RDX: variants seen among roughly 807,000 people sequenced by gnomAD.
The protein encoded by RDX is radixin.
Under a neutral mutation model 83.7 loss-of-function variants are expected in RDX, and 32 were observed. The ratio of observed to expected loss-of-function variants is 0.38; its 90% CI spans 0.29 to 0.51. The LOEUF is 0.51. RDX is among the 20% of genes least tolerant of loss of function. The pLI, the probability that RDX is intolerant of heterozygous loss-of-function variation, is 0.87. For missense variants in RDX, 600 were observed against 689.9 expected (o/e 0.87, Z 1.46); for synonymous variants, 229 against 222.7 (o/e 1.03, Z -0.25).
rs76161629 is a variant in RDX, at chr11:110,233,904, G to A, written c.1345-425C>T. ...CGAATAACGGAGGAATGAGACTGTCGTTACTCAAATCCAATGATCACTAAA... is the reference window on the plus strand; with the variant it reads ...CGAATAACGGAGGAATGAGACTGTCATTACTCAAATCCAATGATCACTAAA... On this transcript the variant is annotated intron_variant, in intron 12 of 13. Transcript: ENST00000645495. Among the ~76,000 whole-genome samples, 926 of 152,206 alleles carry A rather than the reference G, an allele frequency of 6.1e-3. 4 individuals carry two copies. Among genetic ancestry groups the A allele is most frequent in the African/African-American group, 0.02 (826 of 41,530 alleles).
At chr11:110,212,568 T>C (rs1299303170) in intron 14 of RDX, among the ~76,000 whole-genome samples, 10 of 67,960 alleles carry the variant, frequency 1.5e-4, no homozygotes, top group Non-Finnish European at 1.7e-4. Flanking sequence ...TTGATGAACA[T>C]TGATGCAAAA....
Position 110,257,890 on chromosome 11 carries a change from A to G in RDX, c.575T>C (p.Leu192Pro). ...CATTTCTAGATCTTGTGCAATCTTC[A>G]GGTATTCCATCATAGAATCCTCCCT... ...MLREDSMMEY[L>P]KIAQDLEMYG... The change falls in exon 7 of 14, where the codon CTG becomes CCG. Residue 192 changes from leucine (L) to proline (P), a missense_variant. Coordinates refer to ENST00000645495, the MANE Select transcript of RDX (RefSeq NM_002906.4). 6.2e-7 allele frequency: 1 copy of G among 1,612,064 alleles called. No homozygotes were observed. The highest frequency in any genetic ancestry group is 1.1e-5 in the South Asian group (1 of 90,994).
At chr11:110,284,802 C>A (rs1297813901) in intron 1 of RDX, among the ~76,000 whole-genome samples, 1 of 152,032 alleles carries the variant, frequency 6.6e-6, no homozygotes, top group South Asian at 2.1e-4. Context: ...GGATTACAGG[C>A]GTGAGCCACC....
rs545159817 is a variant in RDX, at chr11:110,232,350, A to T, written c.1588-317T>A. Reference sequence around the variant, plus strand: ...TATTACTATGAGATTTAAAATCTATACCTCAAGGGAAGCCTTCTCCAAAAG... The same window carrying T: ...TATTACTATGAGATTTAAAATCTATTCCTCAAGGGAAGCCTTCTCCAAAAG... On this transcript the variant is annotated intron_variant, in intron 13 of 13. Transcript: ENST00000645495. 3.9e-5 allele frequency among the ~76,000 whole-genome samples: 6 copies of T among 152,270 alleles called. 1 individual carries two copies. The South Asian group carries it at 8.3e-4, about 21-fold the overall frequency.
At chr11:110,268,864 A>C (rs1860171749) in intron 3 of RDX, among the ~76,000 whole-genome samples, 1 of 151,888 alleles carries the variant, frequency 6.6e-6, no homozygotes, top group African/African-American at 2.4e-5. Context: ...CTGCTTGGGC[A>C]CGTAACTATA....
At chr11:110,224,672 T>C (rs1864373613), downstream of RDX, among the ~76,000 whole-genome samples, 2 of 152,236 alleles carry the variant, frequency 1.3e-5, no homozygotes, top group Admixed American at 6.5e-5. Context: ...AGCTTTTAAG[T>C]GTCTCAAAAG....
intron 1 of RDX, among the ~76,000 whole-genome samples, chr11:110,281,089 C>T (rs1054064146): frequency 6.6e-6 from 1 of 151,956 alleles, no homozygotes; most frequent in Non-Finnish European, 1.5e-5. Context: ...CACTTGAACC[C>T]AGAAAGCAGA....
rs1364683295 is a variant in RDX, at chr11:110,265,003, CTT to C, written c.97-131_97-130del. 6 of 561,126 alleles carry C rather than the reference CTT, an allele frequency of 1.1e-5. No individual in the cohort carries two copies. The South Asian group carries it at 1.6e-4, about 15-fold the overall frequency. The allele number at this position is 561,126 out of a possible 1,614,324, so 34.8% of individuals were successfully genotyped here. On this transcript the variant is annotated intron_variant, in intron 3 of 13. Transcript: ENST00000645495. ...GTATATTCCTTTGCCATAGAAAAGG[CTT>C]TCCCTAAATTTAAGATATTAAAGGA... is the stretch of plus-strand genomic sequence containing the variant.
At chr11:110,262,603 A>C (rs1859850808) in intron 5 of RDX, among the ~76,000 whole-genome samples, 1 of 152,148 alleles carries the variant, frequency 6.6e-6, no homozygotes. Flanking sequence ...AAAAAAAAAA[A>C]AATTAAAAAG....
At chr11:110,201,177 CAA>C (rs34428422) in intron 14 of RDX, among the ~76,000 whole-genome samples, 1,993 of 82,122 alleles carry the variant, frequency 0.024, 32 homozygotes, top group African/African-American at 0.077. Flanking sequence ...ACTCCCGTCT[CAA>C]AAAAAAAAAA....
At chr11:110,182,236 G>A (rs1287698893) in intron 15 of RDX, among the ~76,000 whole-genome samples, 1 of 152,252 alleles carries the variant, frequency 6.6e-6, no homozygotes, top group Non-Finnish European at 1.5e-5. Context: ...CAGGAGGGCA[G>A]AGACGCCTTC....
In RDX at chr11:110,263,943, A is replaced by T; in HGVS notation, c.467+17T>A. 1 of 1,610,012 alleles carries T rather than the reference A, an allele frequency of 6.2e-7. No individual in the cohort carries two copies. The highest frequency in any genetic ancestry group is 8.5e-7 in the Non-Finnish European group (1 of 1,176,670). ...ACAATTTTCAGACAATATAATGCAA[A>T]CGCATGTTTCACTTACCGCTGGGGT... On this transcript the variant is annotated intron_variant, in intron 5 of 13. Coordinates refer to ENST00000645495, the MANE Select transcript of RDX (RefSeq NM_002906.4).
At chr11:110,226,740 AG>A (rs1591126842), downstream of RDX, among the ~76,000 whole-genome samples, 3 of 152,210 alleles carry the variant, frequency 2.0e-5, no homozygotes, top group East Asian at 3.8e-4. Flanking sequence ...TTGACTGGTC[AG>A]TTGGGTCTAA....
At chr11:110,229,387 T>C (rs563874080), downstream of RDX, 2 of 152,574 alleles carry the variant, frequency 1.3e-5, no homozygotes, top group South Asian at 2.1e-4. Context: ...GTGATAAAGA[T>C]TGTAATTTTC....
Position 110,207,987 on chromosome 11 carries a change from A to ATT in RDX, c.1749-8311_1749-8310dup, listed in dbSNP as rs10709047. 1.7e-3 allele frequency among the ~76,000 whole-genome samples: 252 copies of ATT among 147,540 alleles called. 4 individuals are homozygous for ATT. The highest frequency in any genetic ancestry group is 0.013 in the Admixed American group (193 of 14,844). On this transcript the variant is annotated intron_variant, in intron 14 of 15. Transcript: ENST00000528498. ...AAGAATCATAAGGAAGTTGAATCAG[A>ATT]TTTTTTTTTTTTTTTTAATAGAGAC...
At chr11:110,209,581 T>C (rs1863748856) in intron 14 of RDX, among the ~76,000 whole-genome samples, 5 of 151,728 alleles carry the variant, frequency 3.3e-5, no homozygotes, top group Middle Eastern at 3.4e-3. Context: ...CAGACTTAAA[T>C]GTCCCTGTCT....
At chr11:110,254,583 C>G (rs921276635) in intron 8 of RDX, among the ~76,000 whole-genome samples, 9 of 151,746 alleles carry the variant, frequency 5.9e-5, no homozygotes, top group Non-Finnish European at 1.3e-4. Context: ...TCAAGAAATT[C>G]TCATGTCTCA....
At chr11:110,296,395 C>G (rs1490920608) in intron 1 of RDX, 72 bp downstream of exon 1, 1 of 151,648 alleles carries the variant, frequency 6.6e-6, no homozygotes, top group Non-Finnish European at 1.5e-5. Flanking sequence ...CCCGCAACTT[C>G]GCGCCGCCAC....
chr11:110,188,723 A>G (rs1863037228), intron 15 of RDX, among the ~76,000 whole-genome samples: 1 of 152,226 alleles, frequency 6.6e-6, no homozygotes, highest in South Asian at 2.1e-4. Context: ...AAGAAATTCC[A>G]ACAAAGATGC....
Sources: allele counts gnomAD v4.1 joint callset (sites outside exome capture counted in the v4.1 genomes callset), GRCh38; gene constraint gnomAD v4.1.1; transcripts MANE v1.5; gene names NCBI Gene and HGNC (gene_info 2026-07-23, HGNC 2026-07-21).